Variants in FHIT observed in about 807,000 individuals in gnomAD.
FHIT encodes bis(5'-adenosyl)-triphosphatase.
A neutral mutation model predicts 17.9 loss-of-function variants in FHIT; 19 were observed. That is an observed-to-expected ratio of 1.06 (90% CI 0.74 to 1.56). The LOEUF (loss-of-function observed/expected upper bound fraction) is 1.56, where lower values mean the gene tolerates loss of function less well. FHIT is among the 40% of genes most tolerant of loss of function. The pLI is 0.00. For synonymous variants in FHIT, 81 were observed against 69.7 expected, an observed-to-expected ratio of 1.16 and a Z score of -0.81; for missense variants, 248 against 189.2, an observed-to-expected ratio of 1.31 and a Z score of -1.82.
intron 4 of FHIT, among the ~76,000 whole-genome samples, chr3:60,683,038 G>C (rs1449986996): frequency 6.6e-6 from 1 of 152,202 alleles, no homozygotes; most frequent in Non-Finnish European, 1.5e-5. Context: ...CAGAAGTAAA[G>C]CTTGAAGATG....
intron 2 of FHIT, among the ~76,000 whole-genome samples, chr3:61,139,075 G>A (rs1014390072): frequency 5.3e-5 from 8 of 150,238 alleles, no homozygotes; most frequent in Admixed American, 3.3e-4. Flanking sequence ...TGTCACCAAG[G>A]CTGGAGTGCA....
chr3:60,521,620 T>C lies in FHIT; in HGVS notation c.103+15240A>G, dbSNP rs2035372016. On this transcript the variant is annotated intron_variant, in intron 5 of 9. Transcript: ENST00000492590. ...TTCTTCTGACTTCCATATCACCTTG[T>C]TTTAATTCTCTCACAAGAGCCCAGG... 3.3e-5 allele frequency among the ~76,000 whole-genome samples: 5 copies of C among 152,314 alleles called. No homozygotes were observed. In the South Asian group the frequency reaches 6.2e-4, roughly 19 times the overall value.
At chr3:61,112,433 T>C (rs2036187168) in intron 2 of FHIT, among the ~76,000 whole-genome samples, 1 of 152,098 alleles carries the variant, frequency 6.6e-6, no homozygotes, top group African/African-American at 2.4e-5. Context: ...TATAGGGAAG[T>C]TCCGCAGTCA....
At chr3:61,010,200 CAAA>C (rs533032458) in intron 3 of FHIT, among the ~76,000 whole-genome samples, 1 of 136,888 alleles carries the variant, frequency 7.3e-6, no homozygotes, top group Non-Finnish European at 1.6e-5. Flanking sequence ...ACTTGATTAC[CAAA>C]AAAAAAAAAA....
intron 6 of FHIT, among the ~76,000 whole-genome samples, chr3:60,011,611 T>A (rs150190730): frequency 1.6e-4 from 25 of 152,328 alleles, no homozygotes; most frequent in African/African-American, 5.5e-4. Context: ...AAAAATGATA[T>A]AAATTATCCA....
At chr3:61,079,007 A>C (rs1190667756) in intron 2 of FHIT, among the ~76,000 whole-genome samples, 1 of 152,192 alleles carries the variant, frequency 6.6e-6, no homozygotes, top group East Asian at 1.9e-4. Flanking sequence ...AGGTTAGAAA[A>C]AAAAAGATGG....
intron 2 of FHIT, among the ~76,000 whole-genome samples, chr3:61,084,798 T>C (rs1038720151): frequency 5.9e-5 from 9 of 152,144 alleles, no homozygotes; most frequent in Non-Finnish European, 1.3e-4. Flanking sequence ...ATCCAAACTG[T>C]TACCTCATGC....
At chr3:59,783,719 C>T (rs949398710) in intron 8 of FHIT, among the ~76,000 whole-genome samples, 1 of 152,156 alleles carries the variant, frequency 6.6e-6, no homozygotes, top group African/African-American at 2.4e-5. Flanking sequence ...TGAGCACACA[C>T]CTCCCCATCC....
chr3:60,653,095 C>T (rs2040034211), intron 4 of FHIT, among the ~76,000 whole-genome samples: 1 of 152,144 alleles, frequency 6.6e-6, no homozygotes, highest in African/African-American at 2.4e-5. Context: ...CATTCTTTCA[C>T]ACACACCACA....
chr3:60,089,322 GTTTT>G (rs578131627), intron 5 of FHIT, among the ~76,000 whole-genome samples: 1 of 151,850 alleles, frequency 6.6e-6, no homozygotes, highest in Non-Finnish European at 1.5e-5. Flanking sequence ...ATATTTTTGG[GTTTT>G]TTTTGTTGTT....
chr3:60,746,370 A>C (rs1370847618), intron 4 of FHIT, among the ~76,000 whole-genome samples: 1 of 152,226 alleles, frequency 6.6e-6, no homozygotes, highest in Non-Finnish European at 1.5e-5. Context: ...CACTGGATGA[A>C]CACATTTATT....
At chr3:60,211,391 T>G (rs957189732) in intron 5 of FHIT, among the ~76,000 whole-genome samples, 2 of 152,104 alleles carry the variant, frequency 1.3e-5, no homozygotes, top group Non-Finnish European at 2.9e-5. Flanking sequence ...ATAGAAGTTA[T>G]ACTACTTTGA....
chr3:60,450,022 A>T (rs989318486), intron 5 of FHIT, among the ~76,000 whole-genome samples: 2 of 144,234 alleles, frequency 1.4e-5, no homozygotes, highest in Non-Finnish European at 3.0e-5. Flanking sequence ...AAAAAAAAAA[A>T]GGCATAAAAG....
At chr3:59,914,175 T>A (rs1366468871) in intron 8 of FHIT, among the ~76,000 whole-genome samples, 1 of 150,900 alleles carries the variant, frequency 6.6e-6, no homozygotes, top group Non-Finnish European at 1.5e-5. Context: ...ATGTAACTAT[T>A]ATAAAACATT....
At chr3:60,857,849 G>A (rs1265121294) in intron 3 of FHIT, among the ~76,000 whole-genome samples, 2 of 152,106 alleles carry the variant, frequency 1.3e-5, no homozygotes, top group Non-Finnish European at 2.9e-5. Context: ...GATCAACTGA[G>A]CCCAGGAGTT....
intron 5 of FHIT, among the ~76,000 whole-genome samples, chr3:60,126,050 T>A (rs1705533633): frequency 6.6e-6 from 1 of 152,136 alleles, no homozygotes; most frequent in South Asian, 2.1e-4. Flanking sequence ...TCCTGCAAGT[T>A]GGCCAGTGAG....
chr3:59,888,116 C>T (rs75005223), intron 8 of FHIT, among the ~76,000 whole-genome samples: 4 of 152,174 alleles, frequency 2.6e-5, no homozygotes, highest in Middle Eastern at 3.4e-3. Flanking sequence ...CTGTTGCCAT[C>T]GGGGCACTCT....
chr3:60,899,248 G>A (rs782655543), intron 3 of FHIT, among the ~76,000 whole-genome samples: 10 of 152,174 alleles, frequency 6.6e-5, no homozygotes, highest in Admixed American at 1.3e-4. Flanking sequence ...TAATTTCAAA[G>A]CCTGGAGTGG....
intron 5 of FHIT, among the ~76,000 whole-genome samples, chr3:60,302,683 A>G (rs1472627452): frequency 6.6e-6 from 1 of 152,140 alleles, no homozygotes; most frequent in African/African-American, 2.4e-5. Context: ...TCTTCCAACA[A>G]TCATATTTCA....
Sources: allele counts gnomAD v4.1 joint callset (sites outside exome capture counted in the v4.1 genomes callset), GRCh38; gene constraint gnomAD v4.1.1; transcripts MANE v1.5; gene names NCBI Gene and HGNC (gene_info 2026-07-23, HGNC 2026-07-21).